Variants in GLYR1 observed in about 807,000 individuals in gnomAD.
GLYR1 encodes glyoxylate reductase 1 homolog.
In GLYR1, 21 loss-of-function variants were observed where a neutral mutation model predicts 72.7. The observed-to-expected ratio is 0.29, with a 90% CI of 0.20 to 0.42. The LOEUF (loss-of-function observed/expected upper bound fraction) is 0.42. GLYR1 is among the 10% of genes least tolerant of loss of function. The pLI, the probability that GLYR1 is intolerant of heterozygous loss-of-function variation, is 1.00. For synonymous variants in GLYR1, 392 were observed against 270.2 expected, an observed-to-expected ratio of 1.45 and a Z score of -4.42; for missense variants, 594 against 712.1, an observed-to-expected ratio of 0.83 and a Z score of 1.89.
chr16:4,838,501 C>T (rs2085312209), intron 3 of GLYR1, among the ~76,000 whole-genome samples: 1 of 152,144 alleles, frequency 6.6e-6, no homozygotes, highest in South Asian at 2.1e-4. Flanking sequence ...TCTGTTGAAC[C>T]GGTTGGTTTC....
In GLYR1 at chr16:4,832,418, C is replaced by G. The variant is rs2084859779; in HGVS notation, c.295-197G>C. 14 of 663,488 alleles carry G rather than the reference C, an allele frequency of 2.1e-5. 1 individual carries two copies. In the South Asian group the frequency reaches 2.9e-4, roughly 14 times the overall value. 41.1% of individuals were successfully genotyped at this position (663,488 alleles called of 1,614,324 possible). A position where few individuals can be genotyped will look rare whatever the true frequency, so the allele number is the denominator to read the frequency against. ...ATATATATATCAAAAGTCACTTTCC[C>G]TATGTCCCAAAACTAGAAGAAAGGA... On this transcript the variant is annotated intron_variant, in intron 4 of 15. Coordinates refer to ENST00000321919, the MANE Select transcript of GLYR1 (RefSeq NM_032569.4).
At chr16:4,818,409 C>T (rs938604349) in intron 9 of GLYR1, among the ~76,000 whole-genome samples, 4 of 152,168 alleles carry the variant, frequency 2.6e-5, no homozygotes, top group African/African-American at 9.7e-5. Flanking sequence ...ATCCTTCCCC[C>T]TCAGCCTCCT....
At chr16:4,821,811 T>A in intron 7 of GLYR1, 1 of 616,550 alleles carries the variant, frequency 1.6e-6, no homozygotes, top group Non-Finnish European at 2.9e-6. Context: ...CTGACCATGG[T>A]GTTGAGAATA....
chr16:4,826,718 G>A (rs952620414), intron 5 of GLYR1, among the ~76,000 whole-genome samples: 1 of 152,180 alleles, frequency 6.6e-6, no homozygotes, highest in African/African-American at 2.4e-5. Context: ...TAGAGCAGGC[G>A]CCAGTCAAGC....
chr16:4,842,247 AAAAAAAAAACAACAAC>A (rs1441682385), intron 3 of GLYR1, among the ~76,000 whole-genome samples: 1 of 150,344 alleles, frequency 6.7e-6, no homozygotes, highest in Non-Finnish European at 1.5e-5. Context: ...CCGTTTCAAA[AAAAAAAAAACAACAAC>A]AAAAAAAAAC....
rs1341567502 is a variant in GLYR1, at chr16:4,813,850, C to T, written c.1018-12G>A. Reference sequence around the variant, plus strand: ...GGGCCCAGCACCAGCTGTGGGGACACAAGGGAGAAGCAATAGCCCAGGCTC... The same window carrying T: ...GGGCCCAGCACCAGCTGTGGGGACATAAGGGAGAAGCAATAGCCCAGGCTC... On this transcript the variant is annotated splice_polypyrimidine_tract_variant and intron_variant, in intron 11 of 15. Coordinates refer to ENST00000321919, the MANE Select transcript of GLYR1 (RefSeq NM_032569.4). The T allele has an allele frequency of 2.4e-5, 38 of 1,601,928 alleles. No homozygotes were observed. The highest frequency in any genetic ancestry group is 3.2e-5 in the Non-Finnish European group (37 of 1,172,558).
intron 9 of GLYR1, among the ~76,000 whole-genome samples, chr16:4,819,977 A>G (rs910681713): frequency 6.6e-6 from 1 of 152,170 alleles, no homozygotes. Flanking sequence ...GTGTTCTAGG[A>G]AGTCCAGTAG....
In GLYR1 at chr16:4,847,250, G is replaced by C; in HGVS notation, c.16C>G (p.Leu6Val). The part of the protein sequence containing the change: MAAVS[L>V]RLGDLVWGKL... ...CACCACACCAAGTCGCCGAGCCGCA[G>C]ACTCACAGCCGCCATCTTACCACCC... The change falls in exon 1 of 16, where the codon CTG (leucine) becomes GTG (valine). Residue 6 changes from leucine (L) to valine (V), a missense_variant. Around this residue, in one of 5 missense-constraint regions of GLYR1, gnomAD observed 62 missense variants for 82.5 expected, o/e 0.75. Transcript: ENST00000321919. 2 of 1,609,932 alleles carry C rather than the reference G, an allele frequency of 1.2e-6. No homozygotes were observed. Among genetic ancestry groups the C allele is most frequent in the Non-Finnish European group, 1.7e-6 (2 of 1,178,966 alleles).
At chr16:4,821,348 G>A in intron 9 of GLYR1, 32 bp downstream of exon 9, 2 of 1,608,668 alleles carry the variant, frequency 1.2e-6, no homozygotes, top group South Asian at 2.2e-5. Context: ...CAGAACCAGA[G>A]CCACTGGAGG....
intron 15 of GLYR1, among the ~76,000 whole-genome samples, chr16:4,808,841 C>T (rs2083152354): frequency 1.3e-5 from 2 of 151,904 alleles, no homozygotes; most frequent in Admixed American, 1.3e-4. Flanking sequence ...TTGTGCACGC[C>T]TATAGTCCCA....
At chr16:4,808,916 T>C (rs2141943279) in intron 15 of GLYR1, among the ~76,000 whole-genome samples, 1 of 152,214 alleles carries the variant, frequency 6.6e-6, no homozygotes, top group South Asian at 2.1e-4. Flanking sequence ...CAGTGAGCTA[T>C]AATTGTGCCA....
At chr16:4,811,072 T>C in intron 15 of GLYR1, 98 bp downstream of exon 15, 1 of 1,468,188 alleles carries the variant, frequency 6.8e-7, no homozygotes, top group Non-Finnish European at 9.1e-7. Flanking sequence ...ACCAGTGCAC[T>C]CTAGCCTGGG....
intron 14 of GLYR1, 136 bp downstream of exon 14, chr16:4,811,487 T>G: frequency 2.3e-6 from 3 of 1,287,124 alleles, no homozygotes; most frequent in Non-Finnish European, 2.2e-6. Context: ...TCCCGCCCAC[T>G]GTGTTTCTGA....
chr16:4,839,368 C>T (rs77491748), intron 3 of GLYR1: 19,455 of 152,220 alleles, frequency 0.13, 1,410 homozygotes, highest in South Asian at 0.25. Context: ...GTTGGGATTA[C>T]GGGTGTGAGC....
At chr16:4,826,735 G>A (rs2084403848) in intron 5 of GLYR1, among the ~76,000 whole-genome samples, 1 of 152,226 alleles carries the variant, frequency 6.6e-6, no homozygotes, top group Non-Finnish European at 1.5e-5. Context: ...AAGCGTCACT[G>A]TGGAGCATCT....
chr16:4,812,638 G>A (rs1340772998), intron 12 of GLYR1, among the ~76,000 whole-genome samples: 9 of 144,870 alleles, frequency 6.2e-5, no homozygotes, highest in African/African-American at 1.0e-4. Context: ...GACTACAGGC[G>A]TCCACCACCA....
At chr16:4,825,957 A>T (rs969472085) in intron 5 of GLYR1, among the ~76,000 whole-genome samples, 1 of 152,174 alleles carries the variant, frequency 6.6e-6, no homozygotes, top group African/African-American at 2.4e-5. Flanking sequence ...CAGCCCTATT[A>T]TAATCTTCTT....
At chr16:4,842,998 C>T (rs187748317) in intron 3 of GLYR1, among the ~76,000 whole-genome samples, 1 of 152,210 alleles carries the variant, frequency 6.6e-6, no homozygotes, top group Non-Finnish European at 1.5e-5. Flanking sequence ...CCATGCCCGA[C>T]CATCATTGTG....
intron 3 of GLYR1, among the ~76,000 whole-genome samples, chr16:4,836,058 C>A (rs111904595): frequency 0.017 from 2,545 of 152,242 alleles, 68 homozygotes; most frequent in African/African-American, 0.058. Flanking sequence ...TTCAGCCACC[C>A]AAAGTGCTGG....
Sources: allele counts gnomAD v4.1 joint callset (sites outside exome capture counted in the v4.1 genomes callset), GRCh38; gene constraint gnomAD v4.1.1; regional missense constraint gnomAD v4.1.1; transcripts MANE v1.5; gene names NCBI Gene and HGNC (gene_info 2026-07-23, HGNC 2026-07-21).